The following KCNMA1 variants were observed in gnomAD, a reference collection of about 807,000 sequenced individuals.
KCNMA1 encodes potassium calcium-activated channel subfamily M alpha 1.
Under a neutral mutation model 140.0 loss-of-function variants are expected in KCNMA1, and 29 were observed. That is an observed-to-expected ratio of 0.21 (90% CI 0.15 to 0.28). The LOEUF is 0.28. KCNMA1 is among the 10% of genes least tolerant of loss of function. KCNMA1 has a pLI of 1.00. For synonymous variants in KCNMA1, 612 were observed against 611.9 expected (o/e 1.00, Z 0.00); for missense variants, 880 against 1,602.2 (o/e 0.55, Z 7.70).
chr10:77,381,903 A>G (rs1279831177), intron 2 of KCNMA1, among the ~76,000 whole-genome samples: 1 of 152,182 alleles, frequency 6.6e-6, no homozygotes, highest in Non-Finnish European at 1.5e-5. Flanking sequence ...CACTTATCCT[A>G]GCCACATGAG....
chr10:77,600,513 C>T (rs1429094161), intron 1 of KCNMA1, among the ~76,000 whole-genome samples: 1 of 152,186 alleles, frequency 6.6e-6, no homozygotes, highest in African/African-American at 2.4e-5. Flanking sequence ...CTTTGGGATG[C>T]CAAGGCAGGT....
intron 16 of KCNMA1, among the ~76,000 whole-genome samples, chr10:77,027,359 G>A (rs1158578044): frequency 6.6e-6 from 1 of 152,162 alleles, no homozygotes; most frequent in East Asian, 1.9e-4. Context: ...GTTGCACCGG[G>A]AGAAGCACAT....
In KCNMA1 at chr10:77,410,741, A is replaced by C. The variant is rs114031423; in HGVS notation, c.379-6718T>G. On this transcript the variant is annotated intron_variant, in intron 1 of 27. Coordinates refer to ENST00000286628, the MANE Select transcript of KCNMA1 (RefSeq NM_001161352.2). ...GATGCAATGGCCTCCTCATGCTGCC[A>C]GGACATTCCAGACCCAGTCCCGTCT... 8.2e-3 allele frequency among the ~76,000 whole-genome samples: 1,256 copies of C among 152,288 alleles called. 14 individuals carry two copies. Among genetic ancestry groups the C allele is most frequent in the African/African-American group, 0.029 (1,200 of 41,566 alleles).
rs182010781 is a variant in KCNMA1 at position 77,206,657 on chromosome 10, T to C, written c.603-21741A>G. ...AAGTTTTTGGCCATCTCCACTGGAA[T>C]GCAAGGCCCATAAAAGCAGAAAACA... is the stretch of plus-strand genomic sequence containing the variant. On this transcript the variant is annotated intron_variant, in intron 3 of 27. Coordinates refer to ENST00000286628, the MANE Select transcript of KCNMA1 (RefSeq NM_001161352.2). 2.1e-3 allele frequency among the ~76,000 whole-genome samples: 317 copies of C among 152,284 alleles called. 1 individual carries two copies. The highest frequency in any genetic ancestry group is 3.2e-3 in the African/African-American group (135 of 41,554).
chr10:77,370,185 AC>A (rs552647349), intron 2 of KCNMA1, among the ~76,000 whole-genome samples: 97 of 152,280 alleles, frequency 6.4e-4, no homozygotes, highest in Middle Eastern at 6.8e-3. Flanking sequence ...TTGGATGTGC[AC>A]CAACCCCAGC....
At chr10:77,061,137 C>A (rs2095732779) in intron 14 of KCNMA1, among the ~76,000 whole-genome samples, 1 of 152,034 alleles carries the variant, frequency 6.6e-6, no homozygotes, top group Non-Finnish European at 1.5e-5. Context: ...ATTTCTGAGT[C>A]ATATGGTAAC....
intron 1 of KCNMA1, among the ~76,000 whole-genome samples, chr10:77,616,762 C>T (rs950867079): frequency 1.3e-5 from 2 of 151,486 alleles, no homozygotes; most frequent in African/African-American, 4.9e-5. Flanking sequence ...GCCGAGACTG[C>T]ACCACTGCAC....
intron 3 of KCNMA1, among the ~76,000 whole-genome samples, chr10:77,192,022 A>C (rs7907070): frequency 0.43 from 65,153 of 151,952 alleles, 15,439 homozygotes; most frequent in African/African-American, 0.64. Flanking sequence ...TAAAAACCCT[A>C]ACAACTCTTT....
At chr10:77,241,197 G>T (rs1161815867) in intron 3 of KCNMA1, among the ~76,000 whole-genome samples, 1 of 152,188 alleles carries the variant, frequency 6.6e-6, no homozygotes, top group Non-Finnish European at 1.5e-5. Flanking sequence ...GAAGGATGGG[G>T]CTGTTGGAAA....
intron 25 of KCNMA1, among the ~76,000 whole-genome samples, chr10:76,905,494 GC>G (rs1342738123): frequency 6.6e-6 from 1 of 152,188 alleles, no homozygotes; most frequent in Non-Finnish European, 1.5e-5. Context: ...ACTCAGTGTG[GC>G]CAGCGGCCTT....
intron 2 of KCNMA1, among the ~76,000 whole-genome samples, chr10:77,367,810 C>T (rs75925618): frequency 0.021 from 3,213 of 152,260 alleles, 64 homozygotes; most frequent in Non-Finnish European, 0.027. Flanking sequence ...TAATATGTAA[C>T]CTATTAACGC....
chr10:77,599,842 C>T lies in KCNMA1; in HGVS notation c.378+37423G>A, dbSNP rs78932415. Among the ~76,000 whole-genome samples the T allele has an allele frequency of 1.4e-4, 21 of 152,246 alleles. 1 individual carries two copies. Among genetic ancestry groups the T allele is most frequent in the African/African-American group, 4.8e-4 (20 of 41,546 alleles). On this transcript the variant is annotated intron_variant, in intron 1 of 27. Transcript: ENST00000286628. The stretch of plus-strand genomic sequence containing the variant: ...ATAATGACACCACTCCCACCTCAGC[C>T]GCCAGCCTGAGCCCCTGATGGTCCG...
chr10:77,176,549 G>A (rs1018707410), intron 5 of KCNMA1, among the ~76,000 whole-genome samples: 8 of 152,086 alleles, frequency 5.3e-5, no homozygotes, highest in Non-Finnish European at 8.8e-5. Context: ...TCCCTAACAG[G>A]CTGTAAAATA....
Position 77,252,525 on chromosome 10 carries a change from T to TTGTGTGTGTGTGTGTGTGTG in KCNMA1, c.541-1289_541-1270dup, listed in dbSNP as rs139774027. 4.8e-3 allele frequency among the ~76,000 whole-genome samples: 704 copies of TTGTGTGTGTGTGTGTGTGTG among 145,804 alleles called. 5 individuals are homozygous for TTGTGTGTGTGTGTGTGTGTG. The highest frequency in any genetic ancestry group is 0.015 in the African/African-American group (573 of 38,758). ...TGTAAAGACTAAGCATGATCAAGCTTTGTGTGTGTGTGTGTGTGTGTGTGT... is the reference window on the plus strand; with the variant it reads ...TGTAAAGACTAAGCATGATCAAGCTTTGTGTGTGTGTGTGTGTGTGTGTGTGTGTGTGTGTGTGTGTGTGT... On this transcript the variant is annotated intron_variant, in intron 2 of 27. Transcript: ENST00000286628.
chr10:76,927,092 C>T (rs764070308), intron 23 of KCNMA1, among the ~76,000 whole-genome samples: 1 of 152,118 alleles, frequency 6.6e-6, no homozygotes, highest in African/African-American at 2.4e-5. Context: ...ATTTATGTCT[C>T]TTTCATGACC....
intron 1 of KCNMA1, among the ~76,000 whole-genome samples, chr10:77,510,061 C>A (rs191424048): frequency 6.6e-6 from 1 of 152,144 alleles, no homozygotes; most frequent in African/African-American, 2.4e-5. Context: ...TCCTACCCCC[C>A]ACTTCAAGCT....
intron 20 of KCNMA1, among the ~76,000 whole-genome samples, chr10:76,959,644 T>C (rs1205513493): frequency 2.6e-5 from 4 of 152,152 alleles, no homozygotes; most frequent in Non-Finnish European, 4.4e-5. Flanking sequence ...CTGATTATGG[T>C]GAAAGGAGGC....
Position 77,230,278 on chromosome 10 carries a change from G to A in KCNMA1, c.602+20917C>T, listed in dbSNP as rs138625861. 2.5e-3 allele frequency among the ~76,000 whole-genome samples: 378 copies of A among 152,332 alleles called. 3 individuals carry two copies. Among genetic ancestry groups the A allele is most frequent in the African/African-American group, 8.7e-3 (360 of 41,580 alleles). ...AGAAAGCAGATCAGTGGTTGTCAGG[G>A]CCTAGGAGGACAGAGGAATGGGGAG... is the stretch of plus-strand genomic sequence containing the variant. On this transcript the variant is annotated intron_variant, in intron 3 of 27. Transcript: ENST00000286628.
At chr10:76,902,833 G>C (rs1177232777) in intron 25 of KCNMA1, 1 of 152,158 alleles carries the variant, frequency 6.6e-6, no homozygotes, top group Admixed American at 6.5e-5. Context: ...TTATAGATTA[G>C]AGTTAAATGA....
Sources: gnomAD v4.1 joint callset for allele counts (sites outside exome capture counted in the v4.1 genomes callset) on GRCh38, gnomAD v4.1.1 for gene constraint, MANE v1.5 for transcripts, NCBI Gene and HGNC (gene_info 2026-07-23, HGNC 2026-07-21) for gene names.